Variants in SPAG16 observed in about 807,000 individuals in gnomAD.
SPAG16 encodes sperm-associated antigen 16 protein.
SPAG16 carries 86 observed loss-of-function variants against 80.4 expected under a neutral mutation model. The ratio of observed to expected loss-of-function variants is 1.07; its 90% CI spans 0.90 to 1.28. SPAG16 has a LOEUF of 1.28. SPAG16 is among the 50% of genes most tolerant of loss of function. The pLI, the probability that SPAG16 is intolerant of heterozygous loss-of-function variation, is 0.00. For missense variants in SPAG16, 870 were observed against 765.3 expected (o/e 1.14, Z -1.61); for synonymous variants, 294 against 265.9 (o/e 1.11, Z -1.03).
At chr2:214,174,601 G>A (rs1317599708) in intron 15 of SPAG16, among the ~76,000 whole-genome samples, 2 of 151,776 alleles carry the variant, frequency 1.3e-5, no homozygotes, top group Non-Finnish European at 2.9e-5. Context: ...GTTAAGTGCT[G>A]AAAGAAATTA....
At chr2:214,231,397 G>T (rs1220875438) in intron 15 of SPAG16, among the ~76,000 whole-genome samples, 2 of 151,922 alleles carry the variant, frequency 1.3e-5, no homozygotes, top group African/African-American at 4.8e-5. Context: ...TTCGACTTCA[G>T]AGTGAACTGA....
At chr2:213,923,350 C>T (rs561657089) in intron 11 of SPAG16, among the ~76,000 whole-genome samples, 8 of 152,154 alleles carry the variant, frequency 5.3e-5, no homozygotes, top group Middle Eastern at 3.4e-3. Context: ...GCGTCGTGTG[C>T]CCTGCTGTCT....
intron 10 of SPAG16, among the ~76,000 whole-genome samples, chr2:213,816,425 G>A (rs957267200): frequency 7.9e-5 from 12 of 151,996 alleles, no homozygotes; most frequent in South Asian, 4.1e-4. Context: ...TCTGATGGGC[G>A]TGCTTCTAAG....
At chr2:213,353,159 G>A (rs2065430049) in intron 7 of SPAG16, among the ~76,000 whole-genome samples, 1 of 152,200 alleles carries the variant, frequency 6.6e-6, no homozygotes, top group Admixed American at 6.5e-5. Context: ...GTTCTGGATA[G>A]CTCCTGGATA....
At chr2:214,043,347 T>G (rs1378694490) in intron 13 of SPAG16, among the ~76,000 whole-genome samples, 3 of 152,178 alleles carry the variant, frequency 2.0e-5, no homozygotes, top group Non-Finnish European at 4.4e-5. Context: ...GTCTCTTCTT[T>G]CTAGCAAATA....
intron 9 of SPAG16, among the ~76,000 whole-genome samples, chr2:213,419,510 T>C (rs1412869713): frequency 2.6e-5 from 4 of 152,146 alleles, no homozygotes; most frequent in African/African-American, 9.7e-5. Flanking sequence ...AGATTTGTAG[T>C]ACTCGTGTAG....
intron 10 of SPAG16, among the ~76,000 whole-genome samples, chr2:213,757,520 C>T (rs2068409066): frequency 6.6e-6 from 1 of 152,028 alleles, no homozygotes; most frequent in African/African-American, 2.4e-5. Context: ...GTAGGAAGCA[C>T]CAGGAATCTG....
intron 9 of SPAG16, among the ~76,000 whole-genome samples, chr2:213,467,732 AT>A (rs2072781593): frequency 6.6e-6 from 1 of 152,196 alleles, no homozygotes; most frequent in African/African-American, 2.4e-5. Context: ...CTGCTGGACC[AT>A]TTGTGAGTCT....
chr2:214,183,316 AGAG>A (rs2057363242), intron 15 of SPAG16, among the ~76,000 whole-genome samples: 1 of 151,958 alleles, frequency 6.6e-6, no homozygotes. Context: ...TCAGGGACAA[AGAG>A]GAGAATTACT....
At chr2:213,438,228 C>G (rs1437319582) in intron 9 of SPAG16, among the ~76,000 whole-genome samples, 1 of 152,136 alleles carries the variant, frequency 6.6e-6, no homozygotes, top group African/African-American at 2.4e-5. Context: ...AAGTGGTAAC[C>G]TATTATTAAT....
Position 213,862,480 on chromosome 2 carries a change from C to T in SPAG16, c.1071-5C>T, listed in dbSNP as rs374291095. 5.6e-5 allele frequency: 91 copies of T among 1,613,294 alleles called. No individual in the cohort carries two copies. The highest frequency in any genetic ancestry group is 1.0e-4 in the Admixed American group (6 of 59,994). On this transcript the variant is annotated splice_region_variant and splice_polypyrimidine_tract_variant and intron_variant, in intron 10 of 15. Transcript: ENST00000331683. ...CATAACTCTTTTTTCTTTCTCCTCGCGCAGTGTCTCCATGCAACCCCACAA... is the reference window on the plus strand; with the variant it reads ...CATAACTCTTTTTTCTTTCTCCTCGTGCAGTGTCTCCATGCAACCCCACAA...
In SPAG16 at chr2:214,085,568, C is replaced by T. The variant is rs867148322; in HGVS notation, c.1528-22628C>T. Among the ~76,000 whole-genome samples, 4 of 152,254 alleles carry T rather than the reference C, an allele frequency of 2.6e-5. No individual in the cohort carries two copies. In the Middle Eastern group the frequency reaches 0.01, roughly 388 times the overall value. On this transcript the variant is annotated intron_variant, in intron 13 of 15. Coordinates refer to ENST00000331683, the MANE Select transcript of SPAG16 (RefSeq NM_024532.5). ...CTCAAATTCCCAAATATAAAATCAT[C>T]TGTTACATCTTGCAAATGTGTCCTT...
rs750407359 is a variant in SPAG16, at chr2:213,284,672, G to C, written c.136+53G>C. 6 of 1,559,120 alleles carry C rather than the reference G, an allele frequency of 3.8e-6. No homozygotes were observed. In the African/African-American group the frequency reaches 6.8e-5, roughly 18 times the overall value. On this transcript the variant is annotated intron_variant, in intron 1 of 15. Coordinates refer to ENST00000331683, the MANE Select transcript of SPAG16 (RefSeq NM_024532.5). ...CTGCGCTGGCGGGTAATGGGTGTTG[G>C]GACGAAGGCGAGGGCCTCCCACTGG...
At chr2:213,534,698 T>C (rs897471809) in intron 10 of SPAG16, among the ~76,000 whole-genome samples, 3 of 152,090 alleles carry the variant, frequency 2.0e-5, no homozygotes, top group African/African-American at 7.2e-5. Context: ...TTATAGTGTA[T>C]GGAGTCAGGA....
chr2:213,449,377 A>T (rs1425725318), intron 9 of SPAG16, among the ~76,000 whole-genome samples: 5 of 152,014 alleles, frequency 3.3e-5, no homozygotes, highest in Non-Finnish European at 7.4e-5. Context: ...TTAGACCCTT[A>T]TTGGTAGTTC....
At chr2:213,311,647 A>G (rs2063190511) in intron 4 of SPAG16, among the ~76,000 whole-genome samples, 1 of 151,700 alleles carries the variant, frequency 6.6e-6, no homozygotes, top group South Asian at 2.1e-4. Flanking sequence ...TCGTGGTTCA[A>G]GTAATTTTAT....
intron 10 of SPAG16, among the ~76,000 whole-genome samples, chr2:213,798,662 CCCAAG>C (rs1320126517): frequency 1.3e-5 from 2 of 152,108 alleles, no homozygotes; most frequent in Non-Finnish European, 2.9e-5. Flanking sequence ...CAGGGAGTGA[CCCAAG>C]ATTATGAAAA....
At position 214,406,152 on chromosome 2, in the gene SPAG16, G is replaced by A. The variant is rs138605822; in HGVS notation, c.1721-3988G>A. ...AAGCAGCATGAATCTCAACCTTAAG[G>A]AGAACTTGGCTACATGAGAAGGAAA... is the stretch of plus-strand genomic sequence containing the variant. On this transcript the variant is annotated intron_variant, in intron 15 of 15. Transcript: ENST00000331683. Among the ~76,000 whole-genome samples the A allele has an allele frequency of 1.3e-4, 20 of 152,222 alleles. No individual in the cohort carries two copies. The East Asian group carries it at 3.1e-3, about 24-fold the overall frequency.
In SPAG16 at chr2:213,862,539, C is replaced by T. The variant is rs1056447454; in HGVS notation, c.1125C>T (p.Leu375=). ...TAGTCTCCTGTGGCGAGGACCGACT[C>T]TGGAAGGTGTTGGGCCTTCCAAAAT... The part of the protein sequence containing the change: ...DILVSCGEDR[L]WKVLGLPKCN... Residue 375 remains leucine, a synonymous_variant, in exon 11 of 16, where the codon CTC becomes CTT. Coordinates refer to ENST00000331683, the MANE Select transcript of SPAG16 (RefSeq NM_024532.5). 2 of 1,614,044 alleles carry T rather than the reference C, an allele frequency of 1.2e-6. No homozygotes were observed. Among genetic ancestry groups the T allele is most frequent in the African/African-American group, 2.7e-5 (2 of 74,936 alleles).
Sources: gnomAD v4.1 joint callset for allele counts (sites outside exome capture counted in the v4.1 genomes callset) on GRCh38, gnomAD v4.1.1 for gene constraint, MANE v1.5 for transcripts, NCBI Gene and HGNC (gene_info 2026-07-23, HGNC 2026-07-21) for gene names.